Variants in IQCM observed in about 807,000 individuals in gnomAD.
The protein encoded by IQCM is IQ domain-containing protein M.
A neutral mutation model predicts 57.6 loss-of-function variants in IQCM; 45 were observed. The ratio of observed to expected loss-of-function variants is 0.78; its 90% CI spans 0.62 to 1.00. The LOEUF is 1.00. Ranked by LOEUF, IQCM falls within the 50% of genes least tolerant of loss-of-function variation. The probability of loss-of-function intolerance (pLI) is 0.00; values close to 1 mark genes in which losing one functional copy is unlikely to be tolerated. For synonymous variants in IQCM, 148 were observed against 158.9 expected, an observed-to-expected ratio of 0.93 and a Z score of 0.51; for missense variants, 468 against 511.6, an observed-to-expected ratio of 0.91 and a Z score of 0.82.
Position 149,368,843 on chromosome 4 carries a change from C to CAT in IQCM, c.1391-16779_1391-16778dup, listed in dbSNP as rs1235426319. On this transcript the variant is annotated intron_variant, in intron 13 of 13. Coordinates refer to ENST00000636793, the MANE Select transcript of IQCM (RefSeq NM_001363507.2). ...ACATATATATACATGTATATATATA[C>CAT]ATATATATACATGTATATATATACA... Among the ~76,000 whole-genome samples, 3 of 58,034 alleles carry CAT rather than the reference C, an allele frequency of 5.2e-5. 1 individual carries two copies. The highest frequency in any genetic ancestry group is 1.7e-4 in the Admixed American group (1 of 5,848). 38.1% of individuals were successfully genotyped at this position (58,034 alleles called of 152,430 possible). A position where few individuals can be genotyped will look rare whatever the true frequency, so the allele number is the denominator to read the frequency against.
intron 7 of IQCM, among the ~76,000 whole-genome samples, chr4:149,660,219 A>C (rs1382731570): frequency 1.3e-5 from 2 of 150,708 alleles, no homozygotes; most frequent in African/African-American, 5.0e-5. Flanking sequence ...CAGCCAAAAA[A>C]CACATGAAAA....
intron 5 of IQCM, among the ~76,000 whole-genome samples, chr4:149,704,281 C>T (rs1336657479): frequency 6.6e-6 from 1 of 151,838 alleles, no homozygotes; most frequent in Non-Finnish European, 1.5e-5. Context: ...TATCATCTTG[C>T]TCAACCCCTG....
chr4:149,506,315 T>A (rs576273011), intron 12 of IQCM, among the ~76,000 whole-genome samples: 4 of 152,338 alleles, frequency 2.6e-5, no homozygotes, highest in African/African-American at 9.6e-5. Context: ...GCAAAAGGAT[T>A]CTTTGAAAAT....
In IQCM at chr4:149,758,511, T is replaced by C. The variant is rs984520417; in HGVS notation, c.-48-15772A>G. 1.9e-4 allele frequency among the ~76,000 whole-genome samples: 29 copies of C among 152,312 alleles called. No individual in the cohort carries two copies. The South Asian group carries it at 5.4e-3, about 28-fold the overall frequency. On this transcript the variant is annotated intron_variant, in intron 2 of 13. Transcript: ENST00000636793. The stretch of plus-strand genomic sequence containing the variant: ...TATTAAAATAAAAACTTCTGCTCTG[T>C]AAAAGACACTGTCTTGAGAATGAGA...
intron 7 of IQCM, among the ~76,000 whole-genome samples, chr4:149,657,893 A>C (rs1759777181): frequency 6.6e-6 from 1 of 151,894 alleles, no homozygotes; most frequent in Non-Finnish European, 1.5e-5. Flanking sequence ...TATTCTGGAT[A>C]CTAACTCCTT....
intron 12 of IQCM, among the ~76,000 whole-genome samples, chr4:149,446,917 A>T (rs1267835073): frequency 6.6e-6 from 1 of 151,478 alleles, no homozygotes; most frequent in Non-Finnish European, 1.5e-5. Context: ...ACGATGTTAA[A>T]AGAGCAAAAA....
intron 5 of IQCM, among the ~76,000 whole-genome samples, chr4:149,703,041 G>GTA (rs1763886584): frequency 6.6e-6 from 1 of 151,900 alleles, no homozygotes; most frequent in Non-Finnish European, 1.5e-5. Flanking sequence ...GATCAAGACG[G>GTA]TATACTAACA....
At chr4:149,389,160 T>C (rs369986167) in intron 13 of IQCM, among the ~76,000 whole-genome samples, 11 of 152,042 alleles carry the variant, frequency 7.2e-5, no homozygotes, top group East Asian at 3.9e-4. Context: ...AGCCAATTTT[T>C]GTGTATGTAA....
chr4:149,555,056 AT>A (rs1749450170), intron 10 of IQCM, among the ~76,000 whole-genome samples: 2 of 152,094 alleles, frequency 1.3e-5, no homozygotes, highest in African/African-American at 2.4e-5. Context: ...ATGTGAAATA[AT>A]ATTTTTTGTT....
chr4:149,362,274 T>C (rs1158501074), intron 13 of IQCM, among the ~76,000 whole-genome samples: 2 of 152,114 alleles, frequency 1.3e-5, no homozygotes, highest in Admixed American at 6.5e-5. Flanking sequence ...TTTGGGTTAA[T>C]GCTGAAATGA....
chr4:149,532,838 A>G (rs1259787500), intron 12 of IQCM, among the ~76,000 whole-genome samples: 2 of 152,182 alleles, frequency 1.3e-5, no homozygotes, highest in Non-Finnish European at 2.9e-5. Context: ...AGGGAGATGG[A>G]CCATAAACAA....
chr4:149,563,812 T>G lies in IQCM; in HGVS notation c.828A>C (p.Gln276His). Residue 276 changes from glutamine (Q) to histidine (H), a missense_variant, in exon 10 of 14, where the codon CAA becomes CAC. Physicochemically the swap from Gln to His is conservative, Grantham distance 24. Transcript: ENST00000636793. ...KRIGPHIEIF[Q>H]VFRERKKFMI... ...TGAATTTTTTTCTTTCTCGGAACAC[T>G]TGGAAGATTTCTATGTGTGGTCCAA... The G allele has an allele frequency of 1.6e-6, 2 of 1,231,828 alleles. No homozygotes were observed. The highest frequency in any genetic ancestry group is 2.0e-6 in the Non-Finnish European group (2 of 987,692). The allele number at this position is 1,231,828 out of a possible 1,614,324, so 76.3% of individuals were successfully genotyped here.
intron 8 of IQCM, among the ~76,000 whole-genome samples, chr4:149,595,822 C>T (rs1274266014): frequency 6.6e-6 from 1 of 152,134 alleles, no homozygotes; most frequent in East Asian, 1.9e-4. Context: ...TATGCAAAAT[C>T]TTCTCATGGA....
chr4:149,692,957 A>G (rs1324567344), intron 5 of IQCM, among the ~76,000 whole-genome samples: 1 of 152,168 alleles, frequency 6.6e-6, no homozygotes, highest in African/African-American at 2.4e-5. Context: ...GAAGTTAAGC[A>G]AAAGGAATGT....
intron 2 of IQCM, among the ~76,000 whole-genome samples, chr4:149,801,272 C>A (rs1773579236): frequency 6.6e-6 from 1 of 151,764 alleles, no homozygotes. Flanking sequence ...AAACAAGAAC[C>A]CTCGTACACT....
chr4:149,477,950 C>T lies in IQCM; in HGVS notation c.1229-44393G>A, dbSNP rs1379572998. 7.9e-5 allele frequency among the ~76,000 whole-genome samples: 12 copies of T among 152,192 alleles called. No individual in the cohort carries two copies. In the South Asian group the frequency reaches 1.2e-3, roughly 16 times the overall value. On this transcript the variant is annotated intron_variant, in intron 12 of 13. Transcript: ENST00000636793. The stretch of plus-strand genomic sequence containing the variant: ...CATGGATTCAAATTCTGACTCTCAA[C>T]CTTCAAATGTATGACACTGGGCAAA...
In IQCM at chr4:149,562,483, T is replaced by C. The variant is rs557510086; in HGVS notation, c.948+1209A>G. 2.6e-4 allele frequency among the ~76,000 whole-genome samples: 39 copies of C among 152,318 alleles called. No individual in the cohort carries two copies. The East Asian group carries it at 4.8e-3, about 19-fold the overall frequency. ...AGATAGTTACAGAAAAGAAAGAGCT[T>C]TGTGGAGTAAGAAAATTAGTTCATC... On this transcript the variant is annotated intron_variant, in intron 10 of 13. Transcript: ENST00000636793.
intron 2 of IQCM, among the ~76,000 whole-genome samples, chr4:149,766,989 C>G (rs1274859784): frequency 6.6e-6 from 1 of 151,684 alleles, no homozygotes; most frequent in Non-Finnish European, 1.5e-5. Context: ...ATATCTTTAC[C>G]TAATGATATC....
intron 13 of IQCM, among the ~76,000 whole-genome samples, chr4:149,353,902 G>A (rs1728743380): frequency 6.6e-6 from 1 of 151,988 alleles, no homozygotes; most frequent in African/African-American, 2.4e-5. Flanking sequence ...ACCGTATTTG[G>A]GATTCCCACT....
Sources: allele counts gnomAD v4.1 joint callset (sites outside exome capture counted in the v4.1 genomes callset), GRCh38; gene constraint gnomAD v4.1.1; transcripts MANE v1.5; gene names NCBI Gene and HGNC (gene_info 2026-07-23, HGNC 2026-07-21).